The following SPIDR variants were observed in gnomAD, a reference collection of about 807,000 sequenced individuals.
SPIDR encodes the protein scaffold protein involved in DNA repair.
In SPIDR, 93 loss-of-function variants were observed where a neutral mutation model predicts 104.6. The ratio of observed to expected loss-of-function variants is 0.89; its 90% CI spans 0.75 to 1.06. The LOEUF is 1.06. SPIDR is among the 50% of genes least tolerant of loss of function. The probability of loss-of-function intolerance (pLI) is 0.00; values close to 1 mark genes in which losing one functional copy is unlikely to be tolerated. For missense variants in SPIDR, 1,154 were observed against 1,111.2 expected (o/e 1.04, Z -0.55); for synonymous variants, 431 against 416.9 (o/e 1.03, Z -0.41).
chr8:47,380,743 T>C (rs1433288172), intron 5 of SPIDR, among the ~76,000 whole-genome samples: 1 of 152,096 alleles, frequency 6.6e-6, no homozygotes, highest in East Asian at 1.9e-4. Flanking sequence ...TTTTCAGAGG[T>C]GTAACTATGG....
chr8:47,357,747 G>C (rs1280903129), intron 5 of SPIDR: 1 of 419,684 alleles, frequency 2.4e-6, no homozygotes, highest in African/African-American at 2.2e-5. Flanking sequence ...TTTTAAGAAA[G>C]AAATTTGAAG....
At chr8:47,577,513 A>G (rs1430615048) in intron 8 of SPIDR, among the ~76,000 whole-genome samples, 2 of 152,170 alleles carry the variant, frequency 1.3e-5, no homozygotes, top group African/African-American at 2.4e-5. Context: ...TTTTCAATAA[A>G]TAAAGGTGGC....
intron 1 of SPIDR, among the ~76,000 whole-genome samples, chr8:47,278,525 T>C (rs1379329657): frequency 6.6e-6 from 1 of 152,060 alleles, no homozygotes; most frequent in Non-Finnish European, 1.5e-5. Flanking sequence ...CTCACGACGT[T>C]GCCTAGGCTG....
intron 3 of SPIDR, among the ~76,000 whole-genome samples, chr8:47,286,738 G>A (rs1481935990): frequency 2.6e-5 from 4 of 152,196 alleles, no homozygotes; most frequent in South Asian, 2.1e-4. Context: ...CAAAAATAAC[G>A]ATTATGGAGG....
rs138355788 is a variant in SPIDR at position 47,728,874 on chromosome 8, G to A, written c.2436-59G>A. 6.1e-4 allele frequency: 941 copies of A among 1,548,100 alleles called. 12 individuals carry two copies. The African/African-American group carries it at 0.012, about 19-fold the overall frequency. ...ATGTTTAAGAAAATGTCTCCCACTGGAGCTTTCCTGACTTGTGCCTCCCGG... is the reference window on the plus strand; with the variant it reads ...ATGTTTAAGAAAATGTCTCCCACTGAAGCTTTCCTGACTTGTGCCTCCCGG... On this transcript the variant is annotated intron_variant, in intron 17 of 19. Transcript: ENST00000297423.
At chr8:47,726,520 A>G (rs2084260584) in intron 16 of SPIDR, among the ~76,000 whole-genome samples, 1 of 152,204 alleles carries the variant, frequency 6.6e-6, no homozygotes, top group Non-Finnish European at 1.5e-5. Context: ...AGACCATCCC[A>G]ATCCCCAGCA....
intron 8 of SPIDR, among the ~76,000 whole-genome samples, chr8:47,558,368 C>T (rs2091568680): frequency 6.6e-6 from 1 of 152,070 alleles, no homozygotes; most frequent in African/African-American, 2.4e-5. Context: ...GTTGGGTACA[C>T]TGTTATATAG....
rs892581971 is a variant in SPIDR, at chr8:47,496,465, T to A, written c.1097+55923T>A. Among the ~76,000 whole-genome samples, 21 of 152,284 alleles carry A rather than the reference T, an allele frequency of 1.4e-4. No individual in the cohort carries two copies. The East Asian group carries it at 3.7e-3, about 27-fold the overall frequency. On this transcript the variant is annotated intron_variant, in intron 8 of 19. Transcript: ENST00000297423. ...GTCTATTTAGATGATTATGTCACTT[T>A]TTTTCTTTAGTGAGATGATTCTGTT...
intron 8 of SPIDR, among the ~76,000 whole-genome samples, chr8:47,466,194 T>A (rs1390870310): frequency 6.6e-6 from 1 of 152,124 alleles, no homozygotes; most frequent in Non-Finnish European, 1.5e-5. Context: ...TATACAGAAC[T>A]CTACCCAAAA....
chr8:47,453,868 A>G (rs535962488), intron 8 of SPIDR, among the ~76,000 whole-genome samples: 26 of 152,340 alleles, frequency 1.7e-4, no homozygotes, highest in African/African-American at 6.3e-4. Flanking sequence ...GCCAACAGAC[A>G]CATGAAAAAA....
intron 8 of SPIDR, among the ~76,000 whole-genome samples, chr8:47,504,102 A>C (rs2081052195): frequency 6.6e-6 from 1 of 151,972 alleles, no homozygotes; most frequent in African/African-American, 2.4e-5. Flanking sequence ...TGAATCTGAC[A>C]ATTATGTGTC....
intron 8 of SPIDR, among the ~76,000 whole-genome samples, chr8:47,530,302 G>A (rs562684490): frequency 2.6e-5 from 4 of 152,158 alleles, no homozygotes; most frequent in African/African-American, 7.2e-5. Context: ...ACCCCAGCTG[G>A]GTGTGGTGAC....
intron 5 of SPIDR, among the ~76,000 whole-genome samples, chr8:47,350,301 A>G (rs1400616868): frequency 9.9e-5 from 15 of 152,162 alleles, no homozygotes; most frequent in African/African-American, 3.4e-4. Context: ...GTGAAAGATG[A>G]CACTTGTTAT....
intron 11 of SPIDR, among the ~76,000 whole-genome samples, chr8:47,674,542 C>A (rs1190855893): frequency 1.3e-5 from 2 of 152,078 alleles, no homozygotes; most frequent in Non-Finnish European, 1.5e-5. Context: ...ACTATCCAGT[C>A]ATACAGTGAA....
intron 8 of SPIDR, among the ~76,000 whole-genome samples, chr8:47,538,857 CTTTTTTTTTTTT>C (rs1161571829): frequency 3.0e-5 from 3 of 100,866 alleles, no homozygotes; most frequent in South Asian, 3.4e-4. Context: ...TTTTTCTTTT[CTTTTTTTTTTTT>C]TTTTTTTTTG....
At chr8:47,262,672 C>T (rs532803444) in intron 1 of SPIDR, among the ~76,000 whole-genome samples, 1 of 152,190 alleles carries the variant, frequency 6.6e-6, no homozygotes, top group Non-Finnish European at 1.5e-5. Context: ...GAAGTGACAT[C>T]CCATCTCCTG....
intron 7 of SPIDR, among the ~76,000 whole-genome samples, chr8:47,413,018 C>T (rs1194928106): frequency 6.6e-6 from 1 of 152,180 alleles, no homozygotes; most frequent in African/African-American, 2.4e-5. Flanking sequence ...GAATGGCAAG[C>T]TTGAATTTCT....
chr8:47,298,553 C>T (rs2041366566), intron 5 of SPIDR, among the ~76,000 whole-genome samples: 1 of 152,104 alleles, frequency 6.6e-6, no homozygotes, highest in Admixed American at 6.5e-5. Context: ...AATGGTATTG[C>T]CTAGGTTTTC....
intron 14 of SPIDR, among the ~76,000 whole-genome samples, chr8:47,703,960 G>A (rs1039979768): frequency 6.6e-6 from 1 of 152,196 alleles, no homozygotes; most frequent in African/African-American, 2.4e-5. Flanking sequence ...TAGGTGCTGC[G>A]CAAGAACACA....
Sources: allele counts gnomAD v4.1 joint callset (sites outside exome capture counted in the v4.1 genomes callset), GRCh38; gene constraint gnomAD v4.1.1; transcripts MANE v1.5; gene names NCBI Gene and HGNC (gene_info 2026-07-23, HGNC 2026-07-21).